CHRM3: variants seen among roughly 807,000 people sequenced by gnomAD.
The protein encoded by CHRM3 is muscarinic acetylcholine receptor M3.
Under a neutral mutation model 41.8 loss-of-function variants are expected in CHRM3, and 11 were observed. The ratio of observed to expected loss-of-function variants is 0.26; its 90% CI spans 0.17 to 0.44. CHRM3 has a LOEUF of 0.44. Ranked by LOEUF, CHRM3 falls within the 20% of genes least tolerant of loss-of-function variation. The pLI, the probability that CHRM3 is intolerant of heterozygous loss-of-function variation, is 1.00. For synonymous variants in CHRM3, 297 were observed against 301.4 expected (o/e 0.99, Z 0.15); for missense variants, 571 against 745.4 (o/e 0.77, Z 2.72).
At chr1:239,865,631 T>C (rs12729325) in intron 6 of CHRM3, among the ~76,000 whole-genome samples, 2 of 152,016 alleles carry the variant, frequency 1.3e-5, no homozygotes, top group African/African-American at 2.4e-5. Flanking sequence ...GGAGGGGATG[T>C]TCAGGGGTCA....
intron 1 of CHRM3, among the ~76,000 whole-genome samples, chr1:239,480,693 A>G (rs1455957774): frequency 1.3e-5 from 2 of 151,696 alleles, no homozygotes; most frequent in South Asian, 2.1e-4. Context: ...AGTAGCGGGG[A>G]CTACAGGTGC....
intron 2 of CHRM3, among the ~76,000 whole-genome samples, chr1:239,542,285 GTTA>G (rs1472547306): frequency 1.3e-5 from 2 of 152,192 alleles, no homozygotes; most frequent in African/African-American, 4.8e-5. Context: ...TAGCTTTTGA[GTTA>G]TTATTTTTTC....
chr1:239,610,835 T>C (rs148596768), intron 3 of CHRM3, among the ~76,000 whole-genome samples: 5,896 of 152,174 alleles, frequency 0.039, 147 homozygotes, highest in Middle Eastern at 0.071. Context: ...GGGCGGATCA[T>C]GAGGTCAAGA....
intron 3 of CHRM3, among the ~76,000 whole-genome samples, chr1:239,569,099 T>C (rs1324049943): frequency 6.6e-6 from 1 of 152,204 alleles, no homozygotes; most frequent in Non-Finnish European, 1.5e-5. Flanking sequence ...AATCACATTA[T>C]CCCTAATATT....
Position 239,775,186 on chromosome 1 carries a change from C to A in CHRM3, c.-146-52066C>A, listed in dbSNP as rs545816445. Among the ~76,000 whole-genome samples the A allele has an allele frequency of 1.3e-4, 20 of 152,062 alleles. No homozygotes were observed. The South Asian group carries it at 4.2e-3, about 32-fold the overall frequency. On this transcript the variant is annotated intron_variant, in intron 5 of 6. Coordinates refer to ENST00000676153, the MANE Select transcript of CHRM3 (RefSeq NM_001375978.1). The stretch of plus-strand genomic sequence containing the variant: ...TTTTGGTAAGTTTATTTTAAAAAAT[C>A]AGATTAGTTTTAAGAATTACTGAAA...
intron 4 of CHRM3, among the ~76,000 whole-genome samples, chr1:239,654,691 G>A (rs887377968): frequency 2.6e-5 from 4 of 152,260 alleles, no homozygotes; most frequent in East Asian, 1.9e-4. Context: ...GAGCCACCAC[G>A]TCCAGCCCAC....
At chr1:239,418,117 C>T (rs10802764) in intron 1 of CHRM3, among the ~76,000 whole-genome samples, 55,598 of 152,006 alleles carry the variant, frequency 0.37, 11,275 homozygotes, top group East Asian at 0.58. Context: ...AGCAGGGCAG[C>T]GGGCCAGGCA....
chr1:239,546,591 A>G (rs1659327719), intron 3 of CHRM3: 1 of 152,144 alleles, frequency 6.6e-6, no homozygotes, highest in Admixed American at 6.5e-5. Flanking sequence ...TATGACCCAA[A>G]TTAATTTTTG....
intron 5 of CHRM3, among the ~76,000 whole-genome samples, chr1:239,710,666 T>G (rs925870461): frequency 1.3e-5 from 2 of 152,160 alleles, no homozygotes; most frequent in Admixed American, 6.5e-5. Context: ...ATTTAGTAAC[T>G]ATATTGAATG....
At chr1:239,774,500 G>C (rs1423770364) in intron 5 of CHRM3, among the ~76,000 whole-genome samples, 4 of 152,134 alleles carry the variant, frequency 2.6e-5, no homozygotes, top group African/African-American at 9.7e-5. Context: ...ATTTAAATCA[G>C]TGCAGAATGA....
intron 5 of CHRM3, among the ~76,000 whole-genome samples, chr1:239,767,746 CT>C: frequency 6.6e-6 from 1 of 152,240 alleles, no homozygotes. Context: ...TACCGATTTT[CT>C]TGCAGAAGAT....
At chr1:239,649,176 G>A (rs1672017595) in intron 4 of CHRM3, among the ~76,000 whole-genome samples, 1 of 152,122 alleles carries the variant, frequency 6.6e-6, no homozygotes, top group Admixed American at 6.6e-5. Flanking sequence ...AGTGTGAGAA[G>A]ATAGGGCCTT....
intron 1 of CHRM3, among the ~76,000 whole-genome samples, chr1:239,431,433 G>A (rs1662827094): frequency 6.6e-6 from 1 of 152,102 alleles, no homozygotes; most frequent in Non-Finnish European, 1.5e-5. Context: ...AAGGTTCAGT[G>A]GTTCTACATG....
chr1:239,620,977 TAC>T (rs2148813456), intron 3 of CHRM3, among the ~76,000 whole-genome samples: 1 of 152,364 alleles, frequency 6.6e-6, no homozygotes, highest in East Asian at 1.9e-4. Flanking sequence ...TTGTGATTTT[TAC>T]AGATTGAAGA....
chr1:239,669,466 G>T (rs745371118), intron 4 of CHRM3, among the ~76,000 whole-genome samples: 2 of 152,112 alleles, frequency 1.3e-5, no homozygotes, highest in African/African-American at 2.4e-5. Flanking sequence ...TTTGCTCGAT[G>T]AAATGGTTAA....
intron 1 of CHRM3, among the ~76,000 whole-genome samples, chr1:239,417,832 C>G (rs1661622492): frequency 6.6e-6 from 1 of 152,086 alleles, no homozygotes; most frequent in Non-Finnish European, 1.5e-5. Flanking sequence ...AAAAAATAAT[C>G]CAGGTTATGA....
At chr1:239,615,958 T>C (rs1667582604) in intron 3 of CHRM3, among the ~76,000 whole-genome samples, 1 of 152,206 alleles carries the variant, frequency 6.6e-6, no homozygotes, top group South Asian at 2.1e-4. Context: ...TACTTCTTCC[T>C]CTCCAGTAAG....
chr1:239,561,477 C>A (rs1037609585), intron 3 of CHRM3, among the ~76,000 whole-genome samples: 10 of 152,094 alleles, frequency 6.6e-5, no homozygotes, highest in African/African-American at 2.2e-4. Flanking sequence ...TCAAGATTCA[C>A]TGGAAGTTCC....
intron 2 of CHRM3, among the ~76,000 whole-genome samples, chr1:239,507,027 A>C (rs914644103): frequency 1.3e-5 from 2 of 152,110 alleles, no homozygotes; most frequent in Non-Finnish European, 2.9e-5. Context: ...TGTTTCTAGG[A>C]AGTAACTAAC....
Sources: allele counts gnomAD v4.1 joint callset (sites outside exome capture counted in the v4.1 genomes callset), GRCh38; gene constraint gnomAD v4.1.1; transcripts MANE v1.5; gene names NCBI Gene and HGNC (gene_info 2026-07-23, HGNC 2026-07-21).